The following RAN variants were observed in gnomAD, a reference collection of about 807,000 sequenced individuals.
The protein encoded by RAN is RAN, member RAS oncogene family, also known as GTP-binding nuclear protein Ran.
Under a neutral mutation model 26.8 loss-of-function variants are expected in RAN, and 2 were observed. The ratio of observed to expected loss-of-function variants is 0.07; its 90% CI spans 0.03 to 0.23. RAN has a LOEUF of 0.23. Among genes scored for constraint, RAN ranks in the 10% least tolerant of loss-of-function variants. The probability of loss-of-function intolerance (pLI) is 1.00; values close to 1 mark genes in which losing one functional copy is unlikely to be tolerated. For missense variants in RAN, 56 were observed against 264.8 expected (o/e 0.21, Z 5.47); for synonymous variants, 132 against 95.9 (o/e 1.38, Z -2.20).
In RAN at chr12:130,874,716, C is replaced by A. The variant is rs888248094; in HGVS notation, c.418C>A (p.Arg140=). 2 of 1,612,624 alleles carry A rather than the reference C, an allele frequency of 1.2e-6. No homozygotes were observed. Among genetic ancestry groups the A allele is most frequent in the Admixed American group, 3.3e-5 (2 of 59,860 alleles). Residue 140 remains arginine (R), a synonymous_variant, in exon 5 of 7, where the codon CGA becomes AGA. Coordinates refer to ENST00000543796, the MANE Select transcript of RAN (RefSeq NM_006325.5). ...KVKAKSIVFH[R]KKNLQYYDIS... ...GAAGGCGAAATCCATTGTCTTCCAC[C>A]GAAAGAAGAATCTTCAGGTGTGTAA...
intron 4 of RAN, chr12:130,873,926 C>A: frequency 4.4e-6 from 1 of 224,806 alleles, no homozygotes. Flanking sequence ...ACCTGGAGTG[C>A]AGCTTCCGCC....
chr12:130,876,164 T>G lies in RAN; in HGVS notation c.*238T>G. The G allele has an allele frequency of 1.8e-6, 1 of 560,576 alleles. No homozygotes were observed. Among genetic ancestry groups the G allele is most frequent in the Non-Finnish European group, 3.2e-6 (1 of 315,132 alleles). The allele number at this position is 560,576 out of a possible 1,614,324, so 34.7% of individuals were successfully genotyped here. On this transcript the variant is annotated 3_prime_UTR_variant, in exon 7 of 7. Transcript: ENST00000543796. ...TGGAACGCAGTTGATTCCTTGAGTT[T>G]CATATATAAGACTGCTGCAGTCACA...
rs7958223 is a variant in RAN, at chr12:130,874,753, C to G, written c.435+20C>G. ...CTTCAGGTGTGTAAAATTAAAACTT[C>G]CTGAGTTATTTCTCTTAGCGGAGAT... is the stretch of plus-strand genomic sequence containing the variant. On this transcript the variant is annotated intron_variant, in intron 5 of 6. Transcript: ENST00000543796. The G allele has an allele frequency of 1.3e-6, 2 of 1,588,420 alleles. No homozygotes were observed. Among genetic ancestry groups the G allele is most frequent in the Non-Finnish European group, 1.7e-6 (2 of 1,160,158 alleles).
chr12:130,875,556 A>G, intron 5 of RAN, 56 bp from the exon 6 acceptor site: 1 of 1,432,692 alleles, frequency 7.0e-7, no homozygotes, highest in Non-Finnish European at 9.4e-7. Flanking sequence ...TGTCCTAGAA[A>G]AATCGTCATC....
At chr12:130,872,788 G>C (rs749117450) in intron 2 of RAN, 48 bp from the exon 3 acceptor site, 2 of 1,599,740 alleles carry the variant, frequency 1.3e-6, no homozygotes, top group Non-Finnish European at 1.7e-6. Context: ...CTGGGATCTT[G>C]AGAGGTGAAG....
rs752673555 is a variant in RAN, at chr12:130,875,594, T to C, written c.436-18T>C. On this transcript the variant is annotated intron_variant, in intron 5 of 6. Transcript: ENST00000543796. ...AATAATGAATTTTAAAAAGTAATTT[T>C]ACCTTTCTTTTAAACAGTACTACGA... 2.6e-6 allele frequency: 4 copies of C among 1,535,278 alleles called. No individual in the cohort carries two copies. In the African/African-American group the frequency reaches 5.6e-5, roughly 21 times the overall value.
chr12:130,873,408 C>G, intron 4 of RAN: 1 of 343,240 alleles, frequency 2.9e-6, no homozygotes, highest in South Asian at 2.9e-5. Context: ...CTGTTAACAG[C>G]AGTTTCAGTA....
Position 130,876,077 on chromosome 12 carries a change from C to G in RAN, c.*151C>G. ...GATGCTGAAGGAGATGAGTGGGCTT[C>G]GGAGTGAATGTGGCAGTTTAAAAAA... On this transcript the variant is annotated 3_prime_UTR_variant, in exon 7 of 7. Transcript: ENST00000543796. The G allele has an allele frequency of 1.3e-6, 1 of 778,282 alleles. No homozygotes were observed. Among genetic ancestry groups the G allele is most frequent in the Non-Finnish European group, 2.1e-6 (1 of 482,336 alleles). The allele number at this position is 778,282 out of a possible 1,614,324, so 48.2% of individuals were successfully genotyped here.
chr12:130,874,777 A>G (rs768274857), intron 5 of RAN, 44 bp downstream of exon 5: 1 of 1,494,356 alleles, frequency 6.7e-7, no homozygotes, highest in Non-Finnish European at 9.2e-7. Context: ...CTTAGCGGAG[A>G]TTATATGTAA....
chr12:130,873,897 G>A (rs543334418), intron 4 of RAN: 31 of 181,180 alleles, frequency 1.7e-4, no homozygotes, highest in African/African-American at 7.0e-4. Flanking sequence ...TTTGAGACAG[G>A]GTTTCGCTCT....
chr12:130,877,510 G>C lies in RAN; in HGVS notation c.*1584G>C, dbSNP rs1297463154. The C allele has an allele frequency of 3.9e-5, 6 of 152,204 alleles. No homozygotes were observed. The highest frequency in any genetic ancestry group is 7.3e-5 in the Non-Finnish European group (5 of 68,046). The allele number at this position is 152,204 out of a possible 1,614,324, so 9.4% of individuals were successfully genotyped here. ...TGAATTGAAGGTGTATGTGTTGTTTGTAACCTTGTGGAGATTGCAAGTGGT... is the reference window on the plus strand; with the variant it reads ...TGAATTGAAGGTGTATGTGTTGTTTCTAACCTTGTGGAGATTGCAAGTGGT... On this transcript the variant is annotated 3_prime_UTR_variant, in exon 7 of 7. Coordinates refer to ENST00000543796, the MANE Select transcript of RAN (RefSeq NM_006325.5).
In RAN at chr12:130,873,004, C is replaced by T. The variant is rs754906351; in HGVS notation, c.123C>T (p.Ala41=). The T allele has an allele frequency of 1.9e-6, 3 of 1,614,170 alleles. No homozygotes were observed. Among genetic ancestry groups the T allele is most frequent in the South Asian group, 1.1e-5 (1 of 91,084 alleles). The change falls in exon 4 of 7, where the codon GCC becomes GCT. Residue 41 remains alanine, a splice_region_variant and synonymous_variant. Coordinates refer to ENST00000543796, the MANE Select transcript of RAN (RefSeq NM_006325.5). ...TCAATCGCATCGTTTCCGTTTCAGCCACCTTGGGTGTTGAGGTTCATCCCC... is the reference window on the plus strand; with the variant it reads ...TCAATCGCATCGTTTCCGTTTCAGCTACCTTGGGTGTTGAGGTTCATCCCC... ...LTGEFEKKYV[A]TLGVEVHPLV...
intron 4 of RAN, 146 bp downstream of exon 4, chr12:130,873,274 T>G: frequency 9.3e-7 from 1 of 1,078,060 alleles, no homozygotes; most frequent in Non-Finnish European, 1.3e-6. Flanking sequence ...TTGACCACCA[T>G]TTTGGTGGCA....
Position 130,876,791 on chromosome 12 carries a change from GATGCTTA to G in RAN, c.*866_*872del, listed in dbSNP as rs1953252999. 6.6e-6 allele frequency: 1 copy of G among 152,186 alleles called. No individual in the cohort carries two copies. 9.4% of individuals were successfully genotyped at this position (152,186 alleles called of 1,614,324 possible). On this transcript the variant is annotated 3_prime_UTR_variant, in exon 7 of 7. Coordinates refer to ENST00000543796, the MANE Select transcript of RAN (RefSeq NM_006325.5). ...TTTGCACTTTTTTGTTTGAATGTTA[GATGCTTA>G]GTGTGAAGTTGATACGCAAGGAAAA... is the stretch of plus-strand genomic sequence containing the variant.
intron 5 of RAN, 93 bp from the exon 6 acceptor site, chr12:130,875,519 G>A: frequency 8.1e-7 from 1 of 1,239,172 alleles, no homozygotes. Flanking sequence ...GCCTTGCCAA[G>A]AATCTTAACA....
chr12:130,873,175 C>G, intron 4 of RAN, 47 bp downstream of exon 4: 1 of 1,611,150 alleles, frequency 6.2e-7, no homozygotes, highest in Non-Finnish European at 8.5e-7. Context: ...GTTTTGTGTA[C>G]TTCAGTCTTC....
chr12:130,873,961 C>A (rs981610122), intron 4 of RAN: 1 of 333,966 alleles, frequency 3.0e-6, no homozygotes, highest in Non-Finnish European at 6.3e-6. Context: ...CATCCTCTTA[C>A]CTCAGCATCC....
rs936772280 is a variant in RAN, at chr12:130,872,131, C to G, written c.-11+5C>G. 4.0e-6 allele frequency: 1 copy of G among 247,406 alleles called. No individual in the cohort carries two copies. Among genetic ancestry groups the G allele is most frequent in the Admixed American group, 4.7e-5 (1 of 21,280 alleles). 15.3% of individuals were successfully genotyped at this position (247,406 alleles called of 1,614,324 possible). A position where few individuals can be genotyped will look rare whatever the true frequency, so the allele number is the denominator to read the frequency against. ...GCGCGGAGACGCTTCTGGAAGGTAT[C>G]GCGACCCGGCGGGCCCGGCACGGCC... On this transcript the variant is annotated splice_donor_5th_base_variant and intron_variant, in intron 1 of 6. Transcript: ENST00000543796.
In RAN at chr12:130,877,243, ATAATCT is replaced by A. The variant is rs1287074770; in HGVS notation, c.*1319_*1324del. The A allele has an allele frequency of 6.6e-6, 1 of 152,192 alleles. No individual in the cohort carries two copies. The highest frequency in any genetic ancestry group is 2.4e-5 in the African/African-American group (1 of 41,454). 9.4% of individuals were successfully genotyped at this position (152,192 alleles called of 1,614,324 possible). On this transcript the variant is annotated 3_prime_UTR_variant, in exon 7 of 7. Transcript: ENST00000543796. ...TACCAAAGTTTTCTTTAGATGTCTG[ATAATCT>A]TGAGATGATTGCTTACCTTAAAAGG...
Sources: allele counts gnomAD v4.1 joint callset, GRCh38; gene constraint gnomAD v4.1.1; transcripts MANE v1.5; gene names NCBI Gene and HGNC (gene_info 2026-07-23, HGNC 2026-07-21).